Variants in C8orf34 observed in about 807,000 individuals in gnomAD.
The protein encoded by C8orf34 is chromosome 8 open reading frame 34.
Under a neutral mutation model 68.3 loss-of-function variants are expected in C8orf34, and 65 were observed. That is an observed-to-expected ratio of 0.95 (90% confidence interval 0.78 to 1.17). The LOEUF (loss-of-function observed/expected upper bound fraction) is 1.17. Among genes scored for constraint, C8orf34 ranks in the 50% most tolerant of loss-of-function variants. The pLI is 0.00. For missense variants in C8orf34, 664 were observed against 655.4 expected (o/e 1.01, Z -0.14); for synonymous variants, 244 against 241.2 (o/e 1.01, Z -0.11).
At chr8:68,408,665 T>C (rs1000612402) in intron 1 of C8orf34, among the ~76,000 whole-genome samples, 1 of 152,204 alleles carries the variant, frequency 6.6e-6, no homozygotes, top group East Asian at 1.9e-4. Flanking sequence ...ATGACAGTGG[T>C]CCCGTAGAGC....
rs140832048 is a variant in C8orf34 at position 68,355,067 on chromosome 8, C to T, written c.327+23728C>T. On this transcript the variant is annotated intron_variant, in intron 1 of 13. Transcript: ENST00000518698. ...TTAAGATCTAGAGAAAAATAACCCC[C>T]ATCCCATTAAGTTACCTTTATGTAC... Among the ~76,000 whole-genome samples the T allele has an allele frequency of 2.1e-3, 316 of 152,246 alleles. 2 individuals are homozygous for T. The highest frequency in any genetic ancestry group is 6.8e-3 in the African/African-American group (284 of 41,564).
intron 8 of C8orf34, among the ~76,000 whole-genome samples, chr8:68,704,802 A>G (rs1297787672): frequency 6.7e-6 from 1 of 149,852 alleles, no homozygotes. Context: ...TGAGAGCAAC[A>G]TGAGTATACT....
chr8:68,354,376 C>T (rs1055874470), intron 1 of C8orf34, among the ~76,000 whole-genome samples: 3 of 151,982 alleles, frequency 2.0e-5, no homozygotes, highest in African/African-American at 7.2e-5. Flanking sequence ...GGATCTTATT[C>T]TGTTGCCCAG....
At chr8:68,767,549 G>A (rs1017609182) in intron 10 of C8orf34, among the ~76,000 whole-genome samples, 12 of 152,158 alleles carry the variant, frequency 7.9e-5, no homozygotes, top group African/African-American at 2.9e-4. Flanking sequence ...AATTCAACAT[G>A]CTCCTTCAGT....
chr8:68,648,135 C>T (rs1819234896), intron 8 of C8orf34, among the ~76,000 whole-genome samples: 1 of 152,140 alleles, frequency 6.6e-6, no homozygotes, highest in Non-Finnish European at 1.5e-5. Flanking sequence ...CAATGAGTGT[C>T]TTGGCTGGAC....
intron 1 of C8orf34, among the ~76,000 whole-genome samples, chr8:68,378,385 G>T (rs1284355473): frequency 6.6e-6 from 1 of 152,028 alleles, no homozygotes; most frequent in Non-Finnish European, 1.5e-5. Context: ...TACAATCTAG[G>T]CTCATTGCAG....
At chr8:68,545,720 A>T (rs1815852873) in intron 7 of C8orf34, among the ~76,000 whole-genome samples, 1 of 152,140 alleles carries the variant, frequency 6.6e-6, no homozygotes, top group African/African-American at 2.4e-5. Flanking sequence ...CATTATAAGA[A>T]CTGTTAAAGC....
intron 5 of C8orf34, among the ~76,000 whole-genome samples, chr8:68,513,581 T>C (rs984714798): frequency 5.3e-5 from 8 of 150,614 alleles, no homozygotes; most frequent in African/African-American, 2.0e-4. Flanking sequence ...GAATAAAAAA[T>C]AAAAGTTAAC....
At chr8:68,536,202 G>A (rs554703164) in intron 7 of C8orf34, among the ~76,000 whole-genome samples, 10 of 151,470 alleles carry the variant, frequency 6.6e-5, no homozygotes, top group East Asian at 1.9e-4. Flanking sequence ...GAAACATGAC[G>A]AAACCTCGTC....
chr8:68,733,579 T>C (rs1006968668), intron 10 of C8orf34, among the ~76,000 whole-genome samples: 1 of 152,240 alleles, frequency 6.6e-6, no homozygotes, highest in Non-Finnish European at 1.5e-5. Context: ...ATGATTTTTT[T>C]TTTAAGAACA....
At chr8:68,466,579 G>T (rs984634141) in intron 3 of C8orf34, among the ~76,000 whole-genome samples, 1 of 151,328 alleles carries the variant, frequency 6.6e-6, no homozygotes, top group Admixed American at 6.6e-5. Flanking sequence ...GATTTAACTT[G>T]CCCTTTTAAA....
intron 1 of C8orf34, among the ~76,000 whole-genome samples, chr8:68,369,701 C>T (rs541904387): frequency 8.6e-5 from 13 of 151,578 alleles, no homozygotes; most frequent in African/African-American, 3.2e-4. Context: ...CAACAGCAAA[C>T]CAGAAGCTGT....
chr8:68,539,333 A>G (rs1311287327), intron 7 of C8orf34, among the ~76,000 whole-genome samples: 1 of 152,204 alleles, frequency 6.6e-6, no homozygotes, highest in Non-Finnish European at 1.5e-5. Context: ...GCAAAATCAT[A>G]ACTTTATTGT....
chr8:68,798,988 T>C (rs1824255815), intron 12 of C8orf34, among the ~76,000 whole-genome samples: 1 of 152,174 alleles, frequency 6.6e-6, no homozygotes. Flanking sequence ...CATGTCTTTG[T>C]CATGTGCAAT....
intron 1 of C8orf34, among the ~76,000 whole-genome samples, chr8:68,420,050 G>A (rs935579064): frequency 6.6e-6 from 1 of 151,228 alleles, no homozygotes; most frequent in Admixed American, 6.6e-5. Context: ...AGAGCTAACA[G>A]GTTAGTGAAG....
At chr8:68,434,962 TCACTTG>T (rs1371058589) in intron 1 of C8orf34, among the ~76,000 whole-genome samples, 1 of 151,008 alleles carries the variant, frequency 6.6e-6, no homozygotes, top group Non-Finnish European at 1.5e-5. Context: ...GGCAGGAGAA[TCACTTG>T]AACCCAGGAA....
intron 12 of C8orf34, among the ~76,000 whole-genome samples, chr8:68,805,064 G>T (rs1200805193): frequency 6.6e-6 from 1 of 152,222 alleles, no homozygotes; most frequent in African/African-American, 2.4e-5. Context: ...GCACAAGGCA[G>T]ATGCCTGCCT....
intron 10 of C8orf34, among the ~76,000 whole-genome samples, chr8:68,737,911 C>T (rs1822167252): frequency 6.6e-6 from 1 of 152,070 alleles, no homozygotes; most frequent in African/African-American, 2.4e-5. Flanking sequence ...TCACTCAGCA[C>T]TGGATCAAAT....
chr8:68,435,604 C>A (rs886664459), intron 1 of C8orf34, among the ~76,000 whole-genome samples: 10 of 152,202 alleles, frequency 6.6e-5, no homozygotes, highest in African/African-American at 2.4e-4. Flanking sequence ...CTCATCTGTT[C>A]TCACATCTGC....
Sources: allele counts gnomAD v4.1 joint callset (sites outside exome capture counted in the v4.1 genomes callset), GRCh38; gene constraint gnomAD v4.1.1; transcripts MANE v1.5; gene names NCBI Gene and HGNC (gene_info 2026-07-23, HGNC 2026-07-21).